The following CACHD1 variants were observed in gnomAD, a reference collection of about 807,000 sequenced individuals.
The protein encoded by CACHD1 is VWFA and cache domain-containing protein 1.
CACHD1 carries 71 observed loss-of-function variants against 138.7 expected under a neutral mutation model. The ratio of observed to expected loss-of-function variants is 0.51; its 90% CI spans 0.42 to 0.62. The LOEUF is 0.62. Ranked by LOEUF, CACHD1 falls within the 20% of genes least tolerant of loss-of-function variation. The probability of loss-of-function intolerance (pLI) is 0.00; values close to 1 mark genes in which losing one functional copy is unlikely to be tolerated. For synonymous variants in CACHD1, 578 were observed against 591.5 expected (o/e 0.98, Z 0.33); for missense variants, 1,389 against 1,625.3 (o/e 0.85, Z 2.50).
At chr1:64,494,631 C>T (rs1313889338) in intron 1 of CACHD1, among the ~76,000 whole-genome samples, 6 of 152,154 alleles carry the variant, frequency 3.9e-5, no homozygotes, top group African/African-American at 2.4e-5. Flanking sequence ...AGTGAAACCA[C>T]AAGGCTAGTG....
intron 8 of CACHD1, among the ~76,000 whole-genome samples, chr1:64,645,267 A>G (rs574495398): frequency 2.0e-5 from 3 of 152,306 alleles, no homozygotes; most frequent in South Asian, 4.1e-4. Context: ...ATTTGATAAT[A>G]TAACGGTGAC....
At chr1:64,480,798 A>G (rs2100273024) in intron 1 of CACHD1, among the ~76,000 whole-genome samples, 1 of 152,016 alleles carries the variant, frequency 6.6e-6, no homozygotes, top group Middle Eastern at 3.4e-3. Flanking sequence ...TTTCAGGTAA[A>G]GTTCTATTTT....
intron 25 of CACHD1, 132 bp from the exon 26 acceptor site, chr1:64,681,873 A>C: frequency 1.3e-6 from 1 of 773,708 alleles, no homozygotes; most frequent in Non-Finnish European, 2.1e-6. Context: ...AGAATTGTTT[A>C]AAAAATGATT....
intron 26 of CACHD1, among the ~76,000 whole-genome samples, chr1:64,691,005 G>A (rs1207076014): frequency 6.6e-6 from 1 of 152,098 alleles, no homozygotes; most frequent in Non-Finnish European, 1.5e-5. Flanking sequence ...GGGATGTAGT[G>A]TGATTTTCAT....
intron 4 of CACHD1, among the ~76,000 whole-genome samples, chr1:64,628,509 A>C (rs1648191213): frequency 6.6e-6 from 1 of 152,190 alleles, no homozygotes; most frequent in African/African-American, 2.4e-5. Flanking sequence ...AGGGTAAGAA[A>C]GACTTCATGG....
intron 8 of CACHD1, among the ~76,000 whole-genome samples, chr1:64,643,304 C>A (rs1648789941): frequency 6.6e-6 from 1 of 152,104 alleles, no homozygotes; most frequent in African/African-American, 2.4e-5. Context: ...CAGGGTGATT[C>A]TCTTCCAAAT....
chr1:64,502,556 A>ATG (rs145000403), intron 1 of CACHD1, among the ~76,000 whole-genome samples: 32 of 151,564 alleles, frequency 2.1e-4, no homozygotes, highest in African/African-American at 6.8e-4. Context: ...GCATGCATCT[A>ATG]TGTGTGTGTG....
At chr1:64,643,625 A>G (rs1648803272) in intron 8 of CACHD1, among the ~76,000 whole-genome samples, 1 of 152,212 alleles carries the variant, frequency 6.6e-6, no homozygotes, top group South Asian at 2.1e-4. Context: ...TCACGAGGTC[A>G]GGAGATCAAG....
At chr1:64,533,134 T>C (rs1361342686) in intron 1 of CACHD1, among the ~76,000 whole-genome samples, 2 of 152,078 alleles carry the variant, frequency 1.3e-5, no homozygotes, top group African/African-American at 4.8e-5. Context: ...GGCGGGTGAA[T>C]TGCTTGAGGC....
intron 3 of CACHD1, among the ~76,000 whole-genome samples, chr1:64,598,721 G>C (rs1647182776): frequency 6.6e-6 from 1 of 152,004 alleles, no homozygotes; most frequent in African/African-American, 2.4e-5. Flanking sequence ...CCATGTAACT[G>C]TAACACACAT....
intron 1 of CACHD1, among the ~76,000 whole-genome samples, chr1:64,481,229 C>T (rs1023509787): frequency 6.6e-5 from 10 of 152,118 alleles, no homozygotes; most frequent in Non-Finnish European, 1.0e-4. Context: ...TCTTGGTTCT[C>T]TTCCAACCAT....
intron 13 of CACHD1, among the ~76,000 whole-genome samples, chr1:64,661,293 T>A (rs530703182): frequency 1.3e-5 from 2 of 152,054 alleles, no homozygotes; most frequent in South Asian, 2.1e-4. Context: ...AAAGAAAAAA[T>A]TTTTAAGAGT....
chr1:64,663,293 C>T (rs1282350412), intron 13 of CACHD1, among the ~76,000 whole-genome samples: 1 of 152,226 alleles, frequency 6.6e-6, no homozygotes, highest in African/African-American at 2.4e-5. Context: ...TGGCTCATGC[C>T]TGTAATCCCA....
chr1:64,566,466 G>A (rs7549835), intron 2 of CACHD1, among the ~76,000 whole-genome samples: 114,301 of 132,470 alleles, frequency 0.86, 49,875 homozygotes, highest in East Asian at 1. Context: ...GTGCTCCACT[G>A]TATGTTTTCA....
At chr1:64,500,717 T>TAAA (rs72436564) in intron 1 of CACHD1, among the ~76,000 whole-genome samples, 1 of 33,928 alleles carries the variant, frequency 2.9e-5, no homozygotes, top group African/African-American at 5.3e-5. Flanking sequence ...CCTTGTCTCT[T>TAAA]AAAAAAAAAA....
intron 7 of CACHD1, among the ~76,000 whole-genome samples, chr1:64,634,875 A>G (rs1648457903): frequency 6.6e-6 from 1 of 151,392 alleles, no homozygotes; most frequent in South Asian, 2.1e-4. Context: ...GGTTGCCTGT[A>G]GTCCCAGCTC....
chr1:64,548,313 A>G (rs2118101), intron 1 of CACHD1, among the ~76,000 whole-genome samples: 11,608 of 152,306 alleles, frequency 0.076, 744 homozygotes, highest in African/African-American at 0.17. Context: ...CAATTGGAAT[A>G]TCACTGCCAG....
chr1:64,679,658 T>C lies in CACHD1; in HGVS notation c.3308T>C (p.Ile1103Thr). The change falls in exon 24 of 27, where the codon ATC becomes ACC. Residue 1103 changes from isoleucine to threonine, a missense_variant. By Grantham distance (89) the Ile-to-Thr change is moderately conservative. Coordinates refer to ENST00000651257, the MANE Select transcript of CACHD1 (RefSeq NM_020925.4). ...CCTGTGGGTCCTGTGGCTGGAGGGA[T>C]CATGGGATGCATCATGGTCTTGGTC... ...SAPVGPVAGG[I>T]MGCIMVLVLA... 6.2e-7 allele frequency: 1 copy of C among 1,614,164 alleles called. No individual in the cohort carries two copies. The highest frequency in any genetic ancestry group is 8.5e-7 in the Non-Finnish European group (1 of 1,180,024).
intron 4 of CACHD1, among the ~76,000 whole-genome samples, chr1:64,610,890 T>C (rs552684303): frequency 1.3e-5 from 2 of 152,348 alleles, no homozygotes; most frequent in South Asian, 4.1e-4. Context: ...GCCCCACCCC[T>C]ACAGCAAACT....
Sources: gnomAD v4.1 joint callset for allele counts (sites outside exome capture counted in the v4.1 genomes callset) on GRCh38, gnomAD v4.1.1 for gene constraint, MANE v1.5 for transcripts, NCBI Gene and HGNC (gene_info 2026-07-23, HGNC 2026-07-21) for gene names.